LIMCH1: variants seen among roughly 807,000 people sequenced by gnomAD.
LIMCH1 encodes LIM and calponin homology domains 1.
Under a neutral mutation model 176.5 loss-of-function variants are expected in LIMCH1, and 113 were observed. The ratio of observed to expected loss-of-function variants is 0.64; its 90% CI spans 0.55 to 0.75. The LOEUF is 0.75. LIMCH1 is among the 30% of genes least tolerant of loss of function. The pLI is 0.00. For synonymous variants in LIMCH1, 619 were observed against 645.9 expected, an observed-to-expected ratio of 0.96 and a Z score of 0.63; for missense variants, 1,674 against 1,814.9, an observed-to-expected ratio of 0.92 and a Z score of 1.41.
At chr4:41,454,445 GA>G (rs1450502931) in intron 1 of LIMCH1, among the ~76,000 whole-genome samples, 2 of 151,266 alleles carry the variant, frequency 1.3e-5, no homozygotes, top group African/African-American at 4.9e-5. Context: ...GGTGGATGAT[GA>G]GGGGGAGAGA....
chr4:41,509,604 T>C (rs2074604425), intron 2 of LIMCH1, among the ~76,000 whole-genome samples: 1 of 152,180 alleles, frequency 6.6e-6, no homozygotes, highest in African/African-American at 2.4e-5. Context: ...CCGCTCCTTT[T>C]CTGAAAAAGA....
At chr4:41,368,901 T>C (rs1207639292) in intron 1 of LIMCH1, among the ~76,000 whole-genome samples, 1 of 152,200 alleles carries the variant, frequency 6.6e-6, no homozygotes, top group Non-Finnish European at 1.5e-5. Context: ...ATTAAAATTC[T>C]TGGACAAAAT....
At chr4:41,649,730 A>G (rs2094211081) in intron 17 of LIMCH1, among the ~76,000 whole-genome samples, 1 of 152,212 alleles carries the variant, frequency 6.6e-6, no homozygotes, top group Admixed American at 6.5e-5. Context: ...AGCCAGGCTA[A>G]CCGCCCTCTC....
intron 1 of LIMCH1, among the ~76,000 whole-genome samples, chr4:41,577,177 G>A (rs1056049870): frequency 6.6e-6 from 1 of 152,014 alleles, no homozygotes; most frequent in Non-Finnish European, 1.5e-5. Context: ...CTGGAAATAC[G>A]TATAAAAAAC....
chr4:41,380,148 A>G (rs2055426757), intron 1 of LIMCH1, among the ~76,000 whole-genome samples: 1 of 152,080 alleles, frequency 6.6e-6, no homozygotes, highest in African/African-American at 2.4e-5. Context: ...ACCACCAAAC[A>G]ATATAGGAAT....
chr4:41,661,904 T>C (rs573452681), intron 19 of LIMCH1: 16 of 402,802 alleles, frequency 4.0e-5, no homozygotes, highest in African/African-American at 2.3e-4. Flanking sequence ...AGCTCACATA[T>C]AGTTAAAAAT....
At chr4:41,502,405 T>C (rs1029916437) in intron 2 of LIMCH1, among the ~76,000 whole-genome samples, 2 of 152,208 alleles carry the variant, frequency 1.3e-5, no homozygotes, top group African/African-American at 4.8e-5. Context: ...GAATGATTTA[T>C]ATTCCTTTGG....
intron 1 of LIMCH1, among the ~76,000 whole-genome samples, chr4:41,480,331 G>A (rs1039666949): frequency 1.3e-5 from 2 of 152,284 alleles, no homozygotes; most frequent in Admixed American, 6.5e-5. Flanking sequence ...AGAACTGGCC[G>A]GGTGCAGTGG....
intron 1 of LIMCH1, among the ~76,000 whole-genome samples, chr4:41,362,709 T>C (rs919066268): frequency 2.0e-5 from 3 of 152,228 alleles, no homozygotes; most frequent in African/African-American, 7.2e-5. Context: ...ATATGTATAT[T>C]ACTATAGCCC....
intron 1 of LIMCH1, among the ~76,000 whole-genome samples, chr4:41,569,986 C>CATTT (rs2083311738): frequency 1.3e-5 from 2 of 152,208 alleles, no homozygotes; most frequent in South Asian, 4.1e-4. Context: ...AAATGACAGC[C>CATTT]ATTTATAGCA....
chr4:41,692,202 A>G (rs1726579738), intron 30 of LIMCH1, 80 bp from the exon 31 acceptor site: 2 of 833,660 alleles, frequency 2.4e-6, no homozygotes, highest in Non-Finnish European at 4.2e-6. Flanking sequence ...TTATTGTGCT[A>G]TTCACATAAA....
chr4:41,582,602 C>T (rs2085696964), intron 1 of LIMCH1, among the ~76,000 whole-genome samples: 1 of 152,104 alleles, frequency 6.6e-6, no homozygotes, highest in Non-Finnish European at 1.5e-5. Flanking sequence ...TACGTGTGTG[C>T]CATTAAGCAC....
At chr4:41,637,188 C>G (rs2093629473) in intron 13 of LIMCH1, among the ~76,000 whole-genome samples, 1 of 152,028 alleles carries the variant, frequency 6.6e-6, no homozygotes, top group African/African-American at 2.4e-5. Context: ...TTTTCCTTTT[C>G]CTTTCCTTTC....
Position 41,556,214 on chromosome 4 carries a change from G to A in LIMCH1, c.-241+17864G>A, listed in dbSNP as rs2081242229. Among the ~76,000 whole-genome samples, 3 of 151,914 alleles carry A rather than the reference G, an allele frequency of 2.0e-5. No homozygotes were observed. In the South Asian group the frequency reaches 6.2e-4, roughly 32 times the overall value. ...GTTCAAGACCAGCCTGACCAACATG[G>A]CAAAACCCTGTCTCTACTAAAAATA... On this transcript the variant is annotated intron_variant, in intron 1 of 31. Coordinates refer to ENST00000503057, the MANE Select transcript of LIMCH1 (RefSeq NM_001330672.2).
At chr4:41,630,255 C>T (rs988771175) in intron 9 of LIMCH1, among the ~76,000 whole-genome samples, 2 of 152,066 alleles carry the variant, frequency 1.3e-5, no homozygotes, top group South Asian at 2.1e-4. Flanking sequence ...CATGAGCCAC[C>T]GTGCAAGCCC....
intron 1 of LIMCH1, among the ~76,000 whole-genome samples, chr4:41,486,826 G>C (rs1216939222): frequency 1.3e-5 from 2 of 151,782 alleles, no homozygotes; most frequent in Non-Finnish European, 2.9e-5. Context: ...CTGTTGCCCA[G>C]GCTGGAGTGC....
intron 1 of LIMCH1, among the ~76,000 whole-genome samples, chr4:41,444,726 G>A (rs1354189277): frequency 1.3e-5 from 2 of 152,204 alleles, no homozygotes; most frequent in Non-Finnish European, 2.9e-5. Flanking sequence ...GGTCATCACA[G>A]CAATGGGATT....
At chr4:41,413,699 T>C (rs892605154) in intron 1 of LIMCH1, among the ~76,000 whole-genome samples, 1 of 152,182 alleles carries the variant, frequency 6.6e-6, no homozygotes, top group Non-Finnish European at 1.5e-5. Context: ...TGTTAACATC[T>C]TATGCCATTT....
intron 1 of LIMCH1, among the ~76,000 whole-genome samples, chr4:41,362,637 T>G (rs1450767861): frequency 1.3e-5 from 2 of 152,202 alleles, no homozygotes; most frequent in African/African-American, 2.4e-5. Context: ...AAATGTATTG[T>G]GGTATGAGTT....
Sources: allele counts gnomAD v4.1 joint callset (sites outside exome capture counted in the v4.1 genomes callset), GRCh38; gene constraint gnomAD v4.1.1; transcripts MANE v1.5; gene names NCBI Gene and HGNC (gene_info 2026-07-23, HGNC 2026-07-21).